Variants in ZAN observed in about 807,000 individuals in gnomAD.
The protein encoded by ZAN is zonadhesin (gene/pseudogene).
In ZAN, 260 loss-of-function variants were observed where a neutral mutation model predicts 286.2. That is an observed-to-expected ratio of 0.91 (90% CI 0.82 to 1.01). The LOEUF (loss-of-function observed/expected upper bound fraction) is 1.01, where lower values mean the gene tolerates loss of function less well. ZAN is among the 50% of genes least tolerant of loss of function. The probability of loss-of-function intolerance (pLI) is 0.00; values close to 1 mark genes in which losing one functional copy is unlikely to be tolerated. For synonymous variants in ZAN, 1,368 were observed against 1,417.5 expected (o/e 0.97, Z 0.79); for missense variants, 3,410 against 3,639.2 (o/e 0.94, Z 1.62).
At chr7:100,789,040 A>AG (rs1196834140) in intron 38 of ZAN, among the ~76,000 whole-genome samples, 178 bp from the exon 39 acceptor site, 1 of 152,066 alleles carries the variant, frequency 6.6e-6, no homozygotes, top group Non-Finnish European at 1.5e-5. Context: ...TGGGCTGGGA[A>AG]GGGGGCGGAC....
intron 39 of ZAN, among the ~76,000 whole-genome samples, chr7:100,790,345 G>A (rs1325079326): frequency 3.4e-5 from 5 of 147,632 alleles, no homozygotes; most frequent in South Asian, 4.4e-4. Flanking sequence ...GGCAGATCAC[G>A]AGGTCAGGAG....
Position 100,783,819 on chromosome 7 carries a change from T to TATATATATATAC in ZAN, c.6623-794_6623-793insACATATATATAT, listed in dbSNP as rs1562952556. On this transcript the variant is annotated intron_variant, in intron 35 of 47. Transcript: ENST00000613979. ...ATATATACACACATATATATATACA[T>TATATATATATAC]ATATATATATGTATATTTTATTGAG... Among the ~76,000 whole-genome samples the TATATATATATAC allele has an allele frequency of 2.8e-3, 80 of 28,620 alleles. 3 individuals carry two copies. The highest frequency in any genetic ancestry group is 5.6e-3 in the African/African-American group (74 of 13,280). The allele number at this position is 28,620 out of a possible 152,430, so 18.8% of individuals were successfully genotyped here. A position where few individuals can be genotyped will look rare whatever the true frequency, so the allele number is the denominator to read the frequency against.
Position 100,787,966 on chromosome 7 carries a change from A to G in ZAN, c.7057A>G (p.Met2353Val), listed in dbSNP as rs747492723. The G allele has an allele frequency of 1.9e-5, 9 of 484,348 alleles. No homozygotes were observed. Among genetic ancestry groups the G allele is most frequent in the Admixed American group, 6.0e-5 (2 of 33,372 alleles). The allele number at this position is 484,348 out of a possible 1,614,324, so 30.0% of individuals were successfully genotyped here. ...CTTCAGCTACCGCTTGCAAGGCCGC[A>G]TGACCTATGTTCTGATCAAGACTGT... The part of the protein sequence containing the change: ...DGFSYRLQGR[M>V]TYVLIKTVDV... The change falls in exon 38 of 48, where the codon ATG becomes GTG. Residue 2353 changes from methionine to valine, a missense_variant. Physicochemically the swap from Met to Val is conservative, Grantham distance 21 (BLOSUM62 1). Coordinates refer to ENST00000613979, the MANE Select transcript of ZAN (RefSeq NM_003386.3).
intron 15 of ZAN, 47 bp downstream of exon 15, chr7:100,755,457 G>T: frequency 6.3e-7 from 1 of 1,588,850 alleles, no homozygotes; most frequent in South Asian, 1.1e-5. Flanking sequence ...ATTGATGGCA[G>T]AACACCTGGG....
At chr7:100,762,114 C>G (rs1251381030) in intron 19 of ZAN, 101 bp from the exon 20 acceptor site, 1 of 1,483,804 alleles carries the variant, frequency 6.7e-7, no homozygotes, top group Non-Finnish European at 9.3e-7. Context: ...TCCTCACGCC[C>G]TCTGTTTTAG....
rs1453042697 is a variant in ZAN, at chr7:100,789,362, G to A, written c.7357+15G>A. On this transcript the variant is annotated intron_variant, in intron 39 of 47. Coordinates refer to ENST00000613979, the MANE Select transcript of ZAN (RefSeq NM_003386.3). ...GAAAAATGCAGGTAATGGAGAGAGG[G>A]GAAAGAAGAGCAAAAGGGCCATTTC... The A allele has an allele frequency of 4.4e-6, 7 of 1,606,804 alleles. No individual in the cohort carries two copies. Among genetic ancestry groups the A allele is most frequent in the Admixed American group, 3.4e-5 (2 of 58,472 alleles).
rs71517126 is a variant in ZAN, at chr7:100,758,085, C to CAAATAAATAAATAAAT, written c.3310-88_3310-73dup. 35 of 795,878 alleles carry CAAATAAATAAATAAAT rather than the reference C, an allele frequency of 4.4e-5. 1 individual carries two copies. The Admixed American group carries it at 1.1e-3, about 25-fold the overall frequency. 49.3% of individuals were successfully genotyped at this position (795,878 alleles called of 1,614,324 possible). On this transcript the variant is annotated intron_variant, in intron 15 of 47. Transcript: ENST00000613979. ...TGGGCAACAGAGCAAGACTCCATCA[C>CAAATAAATAAATAAAT]AAATAAATAAATAAATAAATAAATA...
chr7:100,765,650 T>C (rs942704333), intron 23 of ZAN, 96 bp downstream of exon 23: 2 of 1,388,916 alleles, frequency 1.4e-6, no homozygotes, highest in Non-Finnish European at 1.9e-6. Flanking sequence ...TTTTCGTTTC[T>C]TGTTTTGTTT....
chr7:100,785,975 T>C, intron 36 of ZAN, 22 bp from the exon 37 acceptor site: 1 of 1,607,582 alleles, frequency 6.2e-7, no homozygotes, highest in Non-Finnish European at 8.5e-7. Flanking sequence ...TCACTCTCTT[T>C]CTCTTCCTGT....
chr7:100,779,480 C>T lies in ZAN; in HGVS notation c.6352C>T (p.Pro2118Ser). ...TCTCCTGGTAGATGAGCAGCAGATTCCAGCGGAACAGCAGGAGAACCCGAG... is the reference window on the plus strand; with the variant it reads ...TCTCCTGGTAGATGAGCAGCAGATTTCAGCGGAACAGCAGGAGAACCCGAG... ...QSLLVDEQQI[P>S]AEQQENPSGN... The change falls in exon 35 of 48, where the codon CCA (proline) becomes TCA (serine). Residue 2118 changes from proline to serine, a missense_variant. Physicochemically the swap from Pro to Ser is moderately conservative, Grantham distance 74. Around this residue, in one of 7 missense-constraint regions of ZAN, gnomAD observed 1,289 missense variants for 1,314.3 expected, o/e 0.98. Coordinates refer to ENST00000613979, the MANE Select transcript of ZAN (RefSeq NM_003386.3). 1 of 1,610,474 alleles carries T rather than the reference C, an allele frequency of 6.2e-7. No homozygotes were observed.
At chr7:100,784,886 C>A in intron 36 of ZAN, 52 bp downstream of exon 36, 2 of 1,488,710 alleles carry the variant, frequency 1.3e-6, no homozygotes, top group Non-Finnish European at 9.0e-7. Context: ...GAGGGCAGTG[C>A]TTTCTCCTTT....
At chr7:100,761,878 G>T (rs1421493036) in intron 19 of ZAN, among the ~76,000 whole-genome samples, 1 of 151,914 alleles carries the variant, frequency 6.6e-6, no homozygotes, top group African/African-American at 2.4e-5. Context: ...GGTGGAGGTT[G>T]CAGTGAGCCG....
chr7:100,778,184 G>A (rs559208), intron 34 of ZAN, among the ~76,000 whole-genome samples: 55,185 of 151,858 alleles, frequency 0.36, 11,340 homozygotes, highest in East Asian at 0.8. Flanking sequence ...GCACATGCCT[G>A]TAGTCCCAGC....
intron 7 of ZAN, among the ~76,000 whole-genome samples, chr7:100,744,397 G>C (rs1226370909): frequency 1.3e-5 from 2 of 149,176 alleles, no homozygotes; most frequent in Non-Finnish European, 3.0e-5. Flanking sequence ...TCAGGAGTCC[G>C]AGACCAGCCT....
intron 38 of ZAN, 26 bp from the exon 39 acceptor site, chr7:100,789,192 C>T (rs774640016): frequency 1.2e-6 from 2 of 1,608,032 alleles, no homozygotes; most frequent in African/African-American, 1.3e-5. Flanking sequence ...TCAGCCCTGT[C>T]TGTGGCTCCT....
In ZAN at chr7:100,737,809, A is replaced by G. The variant is rs1807421490; in HGVS notation, c.613+460A>G. On this transcript the variant is annotated intron_variant, in intron 6 of 47. Coordinates refer to ENST00000613979, the MANE Select transcript of ZAN (RefSeq NM_003386.3). The stretch of plus-strand genomic sequence containing the variant: ...TGACTCTGGAAGCAGCCGTGCCTAA[A>G]GAGAGGTCTCGGCCCAGCACAGTGG... Among the ~76,000 whole-genome samples the G allele has an allele frequency of 1.4e-5, 2 of 139,562 alleles. 1 individual carries two copies. The highest frequency in any genetic ancestry group is 3.2e-5 in the Non-Finnish European group (2 of 62,404). 91.6% of individuals were successfully genotyped at this position (139,562 alleles called of 152,430 possible).
intron 31 of ZAN, 21 bp downstream of exon 31, chr7:100,773,886 G>C: frequency 1.3e-6 from 2 of 1,589,266 alleles, no homozygotes; most frequent in East Asian, 2.3e-5. Flanking sequence ...CACGGTGATG[G>C]GGGGACTCCA....
chr7:100,734,912 G>A (rs746011006), intron 2 of ZAN, among the ~76,000 whole-genome samples: 2 of 140,388 alleles, frequency 1.4e-5, no homozygotes, highest in African/African-American at 5.2e-5. Flanking sequence ...CAGGCCAAGC[G>A]CGGCGGCTCA....
intron 42 of ZAN, among the ~76,000 whole-genome samples, chr7:100,793,542 C>T (rs1403386018): frequency 1.3e-5 from 2 of 151,842 alleles, no homozygotes; most frequent in South Asian, 2.1e-4. Context: ...TGGGTTCAAG[C>T]GATTCTTGTC....
Sources: allele counts gnomAD v4.1 joint callset (sites outside exome capture counted in the v4.1 genomes callset), GRCh38; gene constraint gnomAD v4.1.1; regional missense constraint gnomAD v4.1.1; transcripts MANE v1.5; gene names NCBI Gene and HGNC (gene_info 2026-07-23, HGNC 2026-07-21).